MGAT4C: variants seen among roughly 807,000 people sequenced by gnomAD.
The protein encoded by MGAT4C is alpha-1,3-mannosyl-glycoprotein 4-beta-N-acetylglucosaminyltransferase C.
Under a neutral mutation model 40.1 loss-of-function variants are expected in MGAT4C, and 19 were observed. That is an observed-to-expected ratio of 0.47 (90% CI 0.33 to 0.70). The LOEUF (loss-of-function observed/expected upper bound fraction) is 0.70. Among genes scored for constraint, MGAT4C ranks in the 30% least tolerant of loss-of-function variants. The probability of loss-of-function intolerance (pLI) is 0.02; values close to 1 mark genes in which losing one functional copy is unlikely to be tolerated. For synonymous variants in MGAT4C, 181 were observed against 187.1 expected, an observed-to-expected ratio of 0.97 and a Z score of 0.27; for missense variants, 491 against 563.2, an observed-to-expected ratio of 0.87 and a Z score of 1.30.
At chr12:86,583,296 C>T (rs1313257483) in intron 2 of MGAT4C, among the ~76,000 whole-genome samples, 2 of 151,206 alleles carry the variant, frequency 1.3e-5, no homozygotes, top group African/African-American at 4.8e-5. Flanking sequence ...AAATGAGTTT[C>T]CTACAAAGGG....
intron 2 of MGAT4C, among the ~76,000 whole-genome samples, chr12:86,660,831 AG>A (rs1183913786): frequency 6.6e-6 from 1 of 152,204 alleles, no homozygotes; most frequent in African/African-American, 2.4e-5. Context: ...TCTGATTTAT[AG>A]CAAACCATAA....
At chr12:86,430,767 A>G (rs1425055200) in intron 3 of MGAT4C, among the ~76,000 whole-genome samples, 2 of 152,144 alleles carry the variant, frequency 1.3e-5, no homozygotes, top group African/African-American at 4.8e-5. Context: ...GAAATACACA[A>G]TTAAGGATTT....
intron 2 of MGAT4C, among the ~76,000 whole-genome samples, chr12:86,004,344 TC>T (rs1887654680): frequency 1.3e-5 from 2 of 152,168 alleles, no homozygotes; most frequent in South Asian, 4.1e-4. Flanking sequence ...TAGTTTAATG[TC>T]ATCAGTGGTG....
rs193185056 is a variant in MGAT4C at position 86,817,586 on chromosome 12, T to A, written c.-262+21080A>T. ...AGCATTTATTGAGAAATAGGCCTAC[T>A]AGTTTGGTAAATATTTTGAACCTTT... On this transcript the variant is annotated intron_variant, in intron 1 of 7. Transcript: ENST00000548651. 2.6e-5 allele frequency among the ~76,000 whole-genome samples: 4 copies of A among 151,706 alleles called. No homozygotes were observed. The East Asian group carries it at 7.8e-4, about 29-fold the overall frequency.
chr12:86,533,522 T>C (rs1959017754), intron 2 of MGAT4C, among the ~76,000 whole-genome samples: 1 of 152,098 alleles, frequency 6.6e-6, no homozygotes, highest in South Asian at 2.1e-4. Flanking sequence ...AACAGTCATA[T>C]TGAATATCTA....
chr12:86,795,392 T>G (rs1319236483), intron 1 of MGAT4C, among the ~76,000 whole-genome samples: 1 of 151,974 alleles, frequency 6.6e-6, no homozygotes, highest in African/African-American at 2.4e-5. Context: ...CTGCCCATAT[T>G]GCCATTCCCA....
intron 1 of MGAT4C, among the ~76,000 whole-genome samples, chr12:86,739,052 T>C (rs1441077185): frequency 6.7e-6 from 1 of 148,436 alleles, no homozygotes; most frequent in Admixed American, 6.8e-5. Flanking sequence ...CTTTTATTTA[T>C]TATTGTCATT....
intron 4 of MGAT4C, among the ~76,000 whole-genome samples, chr12:86,278,334 A>G (rs1953129822): frequency 6.6e-6 from 1 of 151,780 alleles, no homozygotes; most frequent in South Asian, 2.1e-4. Flanking sequence ...GTCTGCCACC[A>G]CACCCAGCTA....
At chr12:86,646,377 A>G (rs2136528672) in intron 2 of MGAT4C, among the ~76,000 whole-genome samples, 1 of 151,998 alleles carries the variant, frequency 6.6e-6, no homozygotes, top group East Asian at 1.9e-4. Flanking sequence ...GATACAAAAT[A>G]AAGTGTTGTG....
chr12:86,219,508 C>T (rs1950801294), intron 1 of MGAT4C, among the ~76,000 whole-genome samples: 1 of 152,148 alleles, frequency 6.6e-6, no homozygotes, highest in Non-Finnish European at 1.5e-5. Context: ...TCAGTTGCCA[C>T]CTTCAATGCA....
chr12:86,127,795 G>T (rs529741189), intron 1 of MGAT4C, among the ~76,000 whole-genome samples: 1 of 152,204 alleles, frequency 6.6e-6, no homozygotes, highest in African/African-American at 2.4e-5. Flanking sequence ...GTGTTTTCCA[G>T]CTCCACATCT....
chr12:86,426,386 C>A (rs561682142), intron 3 of MGAT4C, among the ~76,000 whole-genome samples: 6 of 152,206 alleles, frequency 3.9e-5, no homozygotes, highest in Admixed American at 3.3e-4. Flanking sequence ...CATTAGTGAT[C>A]ATTTATAAGT....
chr12:86,459,778 C>T (rs532807101), intron 2 of MGAT4C, among the ~76,000 whole-genome samples: 2 of 145,114 alleles, frequency 1.4e-5, no homozygotes, highest in South Asian at 2.2e-4. Context: ...GGGGAAGTAT[C>T]CACAATCTTA....
chr12:86,652,560 A>G (rs1043012984), intron 2 of MGAT4C, among the ~76,000 whole-genome samples: 49 of 151,878 alleles, frequency 3.2e-4, no homozygotes, highest in African/African-American at 1.1e-3. Context: ...TTCTTTGAGG[A>G]GTTTGGAATG....
intron 1 of MGAT4C, chr12:86,068,649 C>T (rs1354918089): frequency 6.6e-6 from 1 of 151,220 alleles, no homozygotes; most frequent in Non-Finnish European, 1.5e-5. Flanking sequence ...CAGGAAATGC[C>T]TATTCTTTCC....
intron 2 of MGAT4C, among the ~76,000 whole-genome samples, chr12:86,500,634 C>A (rs938664108): frequency 6.6e-6 from 1 of 151,836 alleles, no homozygotes; most frequent in African/African-American, 2.4e-5. Context: ...TTACAGAGAA[C>A]CTTCTCAAAC....
intron 4 of MGAT4C, among the ~76,000 whole-genome samples, chr12:86,299,005 C>A (rs1953747256): frequency 6.6e-6 from 1 of 152,126 alleles, no homozygotes; most frequent in Non-Finnish European, 1.5e-5. Flanking sequence ...ATATATGTTA[C>A]AACTCCCTGT....
intron 4 of MGAT4C, among the ~76,000 whole-genome samples, chr12:86,272,973 A>G (rs990759030): frequency 9.2e-5 from 14 of 152,198 alleles, no homozygotes; most frequent in African/African-American, 2.7e-4. Flanking sequence ...ACAGCAACAT[A>G]GCTCTTTTTT....
At chr12:86,678,049 A>T (rs1291525500) in intron 2 of MGAT4C, among the ~76,000 whole-genome samples, 4 of 152,094 alleles carry the variant, frequency 2.6e-5, no homozygotes, top group Non-Finnish European at 5.9e-5. Flanking sequence ...TTATATTTCC[A>T]GTTCTGAACG....
Sources: allele counts gnomAD v4.1 joint callset (sites outside exome capture counted in the v4.1 genomes callset), GRCh38; gene constraint gnomAD v4.1.1; transcripts MANE v1.5; gene names NCBI Gene and HGNC (gene_info 2026-07-23, HGNC 2026-07-21).